The following TRPV1 variants were observed in gnomAD, a reference collection of about 807,000 sequenced individuals.
TRPV1 encodes OTRPC1.
A neutral mutation model predicts 82.3 loss-of-function variants in TRPV1; 82 were observed. The observed-to-expected ratio is 1.00, with a 90% CI of 0.83 to 1.20. The LOEUF (loss-of-function observed/expected upper bound fraction) is 1.20, where lower values mean the gene tolerates loss of function less well. Among genes scored for constraint, TRPV1 ranks in the 50% most tolerant of loss-of-function variants. TRPV1 has a pLI of 0.00. For synonymous variants in TRPV1, 515 were observed against 467.7 expected, an observed-to-expected ratio of 1.10 and a Z score of -1.30; for missense variants, 1,067 against 1,096.8, an observed-to-expected ratio of 0.97 and a Z score of 0.38.
Position 3,590,920 on chromosome 17 carries a change from G to C in TRPV1, c.604+44C>G, listed in dbSNP as rs752043946. On this transcript the variant is annotated intron_variant, in intron 5 of 16. Transcript: ENST00000572705. ...GGACAACCATGCCCCCCTGCTTCCC[G>C]GTGCTGCGGGCTGAGCCATGCCCGG... The C allele has an allele frequency of 7.9e-6, 12 of 1,524,986 alleles. No individual in the cohort carries two copies. The Admixed American group carries it at 1.9e-4, about 24-fold the overall frequency. The allele number at this position is 1,524,986 out of a possible 1,614,324, so 94.5% of individuals were successfully genotyped here.
rs1358333163 is a variant in TRPV1 at position 3,573,857 on chromosome 17, AGCTATCGGGGGGCCTGCAGGCAGGCCCCC to A, written c.1850_1878del (p.Arg617LeufsTer26). 2 of 1,612,244 alleles carry A rather than the reference AGCTATCGGGGGGCCTGCAGGCAGGCCCCC, an allele frequency of 1.2e-6. No homozygotes were observed. The highest frequency in any genetic ancestry group is 2.7e-5 in the African/African-American group (2 of 74,694). ...CAGGTGGAGTACAGGCTGTTGTAGG[AGCTATCGGGGGGCCTGCAGGCAGGCCCCC>A]GCCACCTGTGCGACGTGGACTCAGA... On this transcript the variant is annotated frameshift_variant, in exon 14 of 17. Transcript: ENST00000572705. LOFTEE classifies it high-confidence loss of function.
chr17:3,596,088 C>T (rs1236174674), intron 2 of TRPV1, among the ~76,000 whole-genome samples: 3 of 152,322 alleles, frequency 2.0e-5, no homozygotes, highest in East Asian at 3.9e-4. Flanking sequence ...TTCTGGTTTA[C>T]ACAAGACTCA....
chr17:3,581,935 A>G (rs1312289565), intron 10 of TRPV1, among the ~76,000 whole-genome samples: 4 of 147,516 alleles, frequency 2.7e-5, no homozygotes, highest in Non-Finnish European at 6.0e-5. Context: ...TCACACCTGT[A>G]ATCCCAGCAC....
At position 3,573,872 on chromosome 17, in the gene TRPV1, TGCAGGCAGGCCCCC is replaced by T; in HGVS notation, c.1850_1863del (p.Arg617GlnfsTer5). On this transcript the variant is annotated frameshift_variant, in exon 14 of 17. Coordinates refer to ENST00000572705, the MANE Select transcript of TRPV1 (RefSeq NM_080704.4). LOFTEE classifies it high-confidence loss of function. ...CTGTTGTAGGAGCTATCGGGGGGCC[TGCAGGCAGGCCCCC>T]GCCACCTGTGCGACGTGGACTCAGA... 6.2e-7 allele frequency: 1 copy of T among 1,607,550 alleles called. No homozygotes were observed. Among genetic ancestry groups the T allele is most frequent in the Non-Finnish European group, 8.5e-7 (1 of 1,177,812 alleles).
At chr17:3,569,173 G>A (rs1396077995) in intron 16 of TRPV1, among the ~76,000 whole-genome samples, 3 of 152,150 alleles carry the variant, frequency 2.0e-5, no homozygotes, top group African/African-American at 4.8e-5. Flanking sequence ...TGTAAATGAC[G>A]AGTTAATGGG....
intron 8 of TRPV1, among the ~76,000 whole-genome samples, chr17:3,587,654 A>G (rs778837898): frequency 6.6e-6 from 1 of 152,120 alleles, no homozygotes; most frequent in African/African-American, 2.4e-5. Flanking sequence ...TCCTGTCTCT[A>G]TTAAATACAA....
At chr17:3,592,729 A>C in intron 2 of TRPV1, 5 of 201,982 alleles carry the variant, frequency 2.5e-5, no homozygotes, top group Non-Finnish European at 4.0e-5. Context: ...GAGGTTGATA[A>C]CCACCGCGCT....
At chr17:3,577,244 G>GAGGGA (rs993302718) in intron 12 of TRPV1, 52 bp from the exon 13 acceptor site, 2 of 1,547,736 alleles carry the variant, frequency 1.3e-6, no homozygotes, top group African/African-American at 2.7e-5. Flanking sequence ...AGGAGGAGCT[G>GAGGGA]AGGGAAGGGC....
intron 16 of TRPV1, among the ~76,000 whole-genome samples, chr17:3,568,917 C>T (rs1171994641): frequency 1.3e-5 from 2 of 152,058 alleles, no homozygotes; most frequent in East Asian, 1.9e-4. Flanking sequence ...ACATATACAC[C>T]GTGGAATACT....
chr17:3,573,531 CG>C, intron 14 of TRPV1, 101 bp downstream of exon 14: 1 of 7,666 alleles, frequency 1.3e-4, no homozygotes, highest in Non-Finnish European at 6.0e-4. Context: ...GGCCACACAC[CG>C]CCCCCACCAC....
chr17:3,585,593 G>C, intron 9 of TRPV1, 175 bp downstream of exon 9: 1 of 746,654 alleles, frequency 1.3e-6, no homozygotes, highest in Non-Finnish European at 2.1e-6. Context: ...CCTGAGGCAG[G>C]GGAGATGGGC....
intron 10 of TRPV1, 84 bp from the exon 11 acceptor site, chr17:3,580,611 C>T: frequency 7.1e-7 from 1 of 1,415,386 alleles, no homozygotes; most frequent in South Asian, 1.1e-5. Flanking sequence ...CTAAATGGCA[C>T]CATGATGGGG....
chr17:3,577,762 AG>A lies in TRPV1; in HGVS notation c.1548del (p.Leu518CysfsTer51). 6 of 1,589,336 alleles carry A rather than the reference AG, an allele frequency of 3.8e-6. No individual in the cohort carries two copies. Among genetic ancestry groups the A allele is most frequent in the Middle Eastern group, 1.7e-4 (1 of 6,032 alleles). Reference sequence around the variant, plus strand: ...GCCAGCATGAACAGTGACTGCAGAAAGCTGCGGGTGGAGGGGCAGAAAGCTC... The same window carrying A: ...GCCAGCATGAACAGTGACTGCAGAAACTGCGGGTGGAGGGGCAGAAAGCTC... ...LFVDSYSEML[F>X]FLQSLFMLAT... is the part of the protein sequence containing the mutation. On this transcript the variant is annotated frameshift_variant and splice_region_variant, in exon 12 of 17. Transcript: ENST00000572705. LOFTEE classifies it high-confidence loss of function.
chr17:3,590,456 T>C, intron 5 of TRPV1, 64 bp from the exon 6 acceptor site: 1 of 1,588,406 alleles, frequency 6.3e-7, no homozygotes, highest in Non-Finnish European at 8.6e-7. Flanking sequence ...GGACAGGTGC[T>C]GGGGAAGGGC....
intron 8 of TRPV1, among the ~76,000 whole-genome samples, chr17:3,586,872 C>T (rs749110051): frequency 4.6e-5 from 7 of 152,170 alleles, no homozygotes; most frequent in Non-Finnish European, 4.4e-5. Context: ...TCGAGTCCAA[C>T]CCCCACCCCA....
chr17:3,573,724 G>C lies in TRPV1; in HGVS notation c.2012C>G (p.Thr671Ser). The C allele has an allele frequency of 6.2e-7, 1 of 1,614,046 alleles. No homozygotes were observed. The highest frequency in any genetic ancestry group is 8.5e-7 in the Non-Finnish European group (1 of 1,180,000). The change falls in exon 14 of 17, where the codon ACC (threonine) becomes AGC (serine). Residue 671 changes from threonine to serine, a missense_variant. Coordinates refer to ENST00000572705, the MANE Select transcript of TRPV1 (RefSeq NM_080704.4). ...IILLLAYVIL[T>S]YILLLNMLIA... The stretch of plus-strand genomic sequence containing the variant: ...GAGCATGTTGAGCAGGAGGATGTAG[G>C]TGAGAATTACATAGGCCAGCAGCAG...
In TRPV1 at chr17:3,594,179, A is replaced by T. The variant is rs546399494; in HGVS notation, c.-33-1796T>A. Among the ~76,000 whole-genome samples, 8 of 147,082 alleles carry T rather than the reference A, an allele frequency of 5.4e-5. No homozygotes were observed. The South Asian group carries it at 6.4e-4, about 12-fold the overall frequency. On this transcript the variant is annotated intron_variant, in intron 2 of 16. Coordinates refer to ENST00000572705, the MANE Select transcript of TRPV1 (RefSeq NM_080704.4). ...AAGCAGCAGCAGCAGCAGCAGCAGC[A>T]GCTGCACACATGGGGAAATAAGAGC...
chr17:3,571,364 C>T (rs564242775), intron 16 of TRPV1, among the ~76,000 whole-genome samples, 160 bp downstream of exon 16: 1 of 152,300 alleles, frequency 6.6e-6, no homozygotes, highest in South Asian at 2.1e-4. Flanking sequence ...TCAAGTCAGC[C>T]CGTGACTATG....
In TRPV1 at chr17:3,577,172, G is replaced by A. The variant is rs531031994; in HGVS notation, c.1734C>T (p.Cys578=). The change falls in exon 13 of 17, where the codon TGC becomes TGT. Residue 578 remains cysteine (C), a synonymous_variant. Transcript: ENST00000572705. Reference sequence around the variant, plus strand: ...AGACGATGTAGACAAACATGAAACGGCACAGGTCTCTCAGGATCATCTGCA... The same window carrying A: ...AGACGATGTAGACAAACATGAAACGACACAGGTCTCTCAGGATCATCTGCA... The part of the protein sequence containing the change: ...MIEKMILRDL[C]RFMFVYIVFL... The A allele has an allele frequency of 6.3e-6, 10 of 1,585,340 alleles. No individual in the cohort carries two copies. The South Asian group carries it at 8.1e-5, about 13-fold the overall frequency.
Sources: gnomAD v4.1 joint callset for allele counts (sites outside exome capture counted in the v4.1 genomes callset) on GRCh38, gnomAD v4.1.1 for gene constraint, MANE v1.5 for transcripts, NCBI Gene and HGNC (gene_info 2026-07-23, HGNC 2026-07-21) for gene names.